Variants in B4GALT5 observed in about 807,000 individuals in gnomAD.
B4GALT5 encodes the protein UDP-Gal:beta-GlcNAc beta-1,4-galactosyltransferase 5.
A neutral mutation model predicts 45.0 loss-of-function variants in B4GALT5; 11 were observed. The observed-to-expected ratio is 0.24, with a 90% CI of 0.15 to 0.40. The LOEUF (loss-of-function observed/expected upper bound fraction) is 0.40. B4GALT5 is among the 10% of genes least tolerant of loss of function. The pLI, the probability that B4GALT5 is intolerant of heterozygous loss-of-function variation, is 1.00. For missense variants in B4GALT5, 337 were observed against 500.2 expected, an observed-to-expected ratio of 0.67 and a Z score of 3.11; for synonymous variants, 185 against 182.9, an observed-to-expected ratio of 1.01 and a Z score of -0.09.
At chr20:49,708,130 A>T (rs911624089) in intron 1 of B4GALT5, among the ~76,000 whole-genome samples, 4 of 151,646 alleles carry the variant, frequency 2.6e-5, no homozygotes, top group African/African-American at 9.7e-5. Context: ...CTGTAATCCC[A>T]GCTACTTGGG....
rs2085930735 is a variant in B4GALT5 at position 49,713,622 on chromosome 20, A to C, written c.69T>G (p.Ser23=). The change falls in exon 1 of 9, where the codon TCT becomes TCG. Residue 23 remains serine, a synonymous_variant. Coordinates refer to ENST00000371711, the MANE Select transcript of B4GALT5 (RefSeq NM_004776.4). The part of the protein sequence containing the change: ...RSLLAALFFF[S]LSSSLLYFVY... ...CGAAGTACAGCAGCGAGGACGAGAG[A>C]GAAAAGAAGAAGAGCGCGGCGAGCA... 4 of 1,588,458 alleles carry C rather than the reference A, an allele frequency of 2.5e-6. No individual in the cohort carries two copies. The highest frequency in any genetic ancestry group is 3.3e-4 in the Middle Eastern group (2 of 5,990).
intron 1 of B4GALT5, among the ~76,000 whole-genome samples, chr20:49,699,981 C>T (rs991624486): frequency 1.3e-5 from 2 of 152,168 alleles, no homozygotes; most frequent in South Asian, 2.1e-4. Context: ...TAGATGAATG[C>T]ATAAGGGACT....
intron 2 of B4GALT5, among the ~76,000 whole-genome samples, chr20:49,647,625 G>A (rs1237383946): frequency 6.6e-6 from 1 of 152,186 alleles, no homozygotes; most frequent in Admixed American, 6.5e-5. Context: ...GTATTACGAT[G>A]CTGCTGTTAA....
intron 1 of B4GALT5, among the ~76,000 whole-genome samples, chr20:49,659,702 G>C (rs938681066): frequency 1.4e-4 from 21 of 152,218 alleles, no homozygotes; most frequent in African/African-American, 4.1e-4. Context: ...CACTACTGGG[G>C]AACTATGACC....
chr20:49,662,593 C>T (rs565003780), intron 1 of B4GALT5, among the ~76,000 whole-genome samples: 1 of 152,286 alleles, frequency 6.6e-6, no homozygotes, highest in Admixed American at 6.5e-5. Flanking sequence ...CATTAGCCCC[C>T]TCCTCCTTTC....
intron 1 of B4GALT5, among the ~76,000 whole-genome samples, chr20:49,697,201 G>C (rs1297502577): frequency 6.6e-6 from 1 of 152,260 alleles, no homozygotes; most frequent in African/African-American, 2.4e-5. Flanking sequence ...ACAAGGCCAG[G>C]GGAGCCAAAA....
chr20:49,678,902 G>A (rs559181182), intron 1 of B4GALT5, among the ~76,000 whole-genome samples: 42 of 152,254 alleles, frequency 2.8e-4, no homozygotes, highest in African/African-American at 9.1e-4. Context: ...TGGGGGCTGG[G>A]GGGAATCCCC....
chr20:49,699,333 A>C (rs893508688), intron 1 of B4GALT5, among the ~76,000 whole-genome samples: 5 of 150,084 alleles, frequency 3.3e-5, no homozygotes, highest in Non-Finnish European at 7.4e-5. Flanking sequence ...ATTGTAACTT[A>C]AAAGGTTAAA....
intron 7 of B4GALT5, among the ~76,000 whole-genome samples, chr20:49,637,720 G>A (rs986325663): frequency 8.6e-5 from 13 of 151,752 alleles, no homozygotes; most frequent in African/African-American, 2.9e-4. Flanking sequence ...GATCATTTGA[G>A]GTCAGGAGTT....
At chr20:49,646,327 C>CCACGTTCA in intron 3 of B4GALT5, among the ~76,000 whole-genome samples, 1 of 152,286 alleles carries the variant, frequency 6.6e-6, no homozygotes, top group African/African-American at 2.4e-5. Context: ...CACATTCACT[C>CCACGTTCA]CACGTTCACT....
intron 1 of B4GALT5, among the ~76,000 whole-genome samples, chr20:49,662,236 A>G (rs114758668): frequency 0.013 from 1,954 of 152,222 alleles, 36 homozygotes; most frequent in African/African-American, 0.045. Context: ...CACTTTTTAC[A>G]ATCTGTATCT....
At chr20:49,671,657 T>C (rs767737113) in intron 1 of B4GALT5, among the ~76,000 whole-genome samples, 3 of 152,198 alleles carry the variant, frequency 2.0e-5, no homozygotes, top group Non-Finnish European at 2.9e-5. Context: ...AACATTTCCA[T>C]GAACATCAGA....
At chr20:49,651,588 C>CA (rs879724969) in intron 2 of B4GALT5, among the ~76,000 whole-genome samples, 503 of 134,846 alleles carry the variant, frequency 3.7e-3, no homozygotes, top group African/African-American at 6.1e-3. Flanking sequence ...GACTCCGTCT[C>CA]AAAAAAAAAA....
chr20:49,642,245 G>GC (rs751555913), intron 5 of B4GALT5, among the ~76,000 whole-genome samples: 1 of 152,096 alleles, frequency 6.6e-6, no homozygotes, highest in Non-Finnish European at 1.5e-5. Flanking sequence ...TTGTTCATGA[G>GC]CCAACAAAGC....
intron 6 of B4GALT5, 124 bp from the exon 7 acceptor site, chr20:49,639,924 A>G (rs572942383): frequency 8.4e-5 from 110 of 1,314,048 alleles, no homozygotes; most frequent in Non-Finnish European, 1.1e-4. Context: ...ATATGAATGT[A>G]TCAAATTAGC....
chr20:49,680,393 T>C (rs2085759167), intron 1 of B4GALT5, among the ~76,000 whole-genome samples: 3 of 152,212 alleles, frequency 2.0e-5, no homozygotes, highest in Admixed American at 1.3e-4. Flanking sequence ...ATGTGCATCC[T>C]AGGATGTTTA....
At chr20:49,643,388 TA>T (rs1280064724) in intron 4 of B4GALT5, 137 bp downstream of exon 4, 5 of 1,179,018 alleles carry the variant, frequency 4.2e-6, no homozygotes, top group Non-Finnish European at 5.9e-6. Flanking sequence ...CCCATTCCTC[TA>T]AAATGTTTCT....
chr20:49,669,067 C>T (rs1173075666), intron 1 of B4GALT5, among the ~76,000 whole-genome samples: 1 of 152,006 alleles, frequency 6.6e-6, no homozygotes, highest in African/African-American at 2.4e-5. Context: ...CACTTTGTTG[C>T]CCAGGCTGGT....
intron 2 of B4GALT5, among the ~76,000 whole-genome samples, chr20:49,651,205 G>C (rs1312725355): frequency 6.6e-6 from 1 of 152,062 alleles, no homozygotes; most frequent in African/African-American, 2.4e-5. Flanking sequence ...AGAATTGCTT[G>C]AACTCAAAAG....
Sources: allele counts gnomAD v4.1 joint callset (sites outside exome capture counted in the v4.1 genomes callset), GRCh38; gene constraint gnomAD v4.1.1; transcripts MANE v1.5; gene names NCBI Gene and HGNC (gene_info 2026-07-23, HGNC 2026-07-21).